Variants in PACRG observed in about 807,000 individuals in gnomAD.
The protein encoded by PACRG is parkin coregulated.
A neutral mutation model predicts 29.7 loss-of-function variants in PACRG; 29 were observed. The observed-to-expected ratio is 0.98, with a 90% CI of 0.73 to 1.33. The LOEUF is 1.33. PACRG is among the 40% of genes most tolerant of loss of function. PACRG has a pLI of 0.00. For synonymous variants in PACRG, 116 were observed against 118.7 expected (o/e 0.98, Z 0.15); for missense variants, 279 against 316.2 (o/e 0.88, Z 0.89).
At chr6:163,231,535 T>A (rs956123356) in intron 4 of PACRG, among the ~76,000 whole-genome samples, 34 of 152,234 alleles carry the variant, frequency 2.2e-4, no homozygotes, top group African/African-American at 7.9e-4. Flanking sequence ...TCCATACAGA[T>A]GGATCAGCAA....
At chr6:163,101,863 T>C (rs561153382) in intron 4 of PACRG, among the ~76,000 whole-genome samples, 243 of 152,306 alleles carry the variant, frequency 1.6e-3, no homozygotes, top group Non-Finnish European at 2.7e-3. Context: ...AAAGTCTTTT[T>C]TCGGGGGGAA....
chr6:163,226,764 G>C, intron 4 of PACRG, among the ~76,000 whole-genome samples: 1 of 152,232 alleles, frequency 6.6e-6, no homozygotes, highest in East Asian at 1.9e-4. Context: ...TGTTCTCTAG[G>C]AGGGTTGGGG....
intron 1 of PACRG, among the ~76,000 whole-genome samples, chr6:162,767,010 T>C (rs1297666009): frequency 6.6e-6 from 1 of 152,166 alleles, no homozygotes; most frequent in South Asian, 2.1e-4. Context: ...TTTAAATATA[T>C]ACAGTTTTTA....
chr6:162,961,014 G>A (rs11967135), intron 2 of PACRG, among the ~76,000 whole-genome samples: 23,682 of 135,964 alleles, frequency 0.17, 3,239 homozygotes, highest in African/African-American at 0.39. Context: ...GCCATGAGAG[G>A]TAGAATAACT....
chr6:162,960,425 T>G (rs61606501), intron 2 of PACRG, among the ~76,000 whole-genome samples: 23,734 of 152,230 alleles, frequency 0.16, 3,250 homozygotes, highest in African/African-American at 0.36. Flanking sequence ...CTACACAGCC[T>G]TAAAAAGAAT....
rs1389892431 is a variant in PACRG at position 163,215,180 on chromosome 6, T to C, written c.614-99647T>C. Among the ~76,000 whole-genome samples the C allele has an allele frequency of 3.3e-5, 5 of 152,178 alleles. No individual in the cohort carries two copies. The East Asian group carries it at 9.6e-4, about 29-fold the overall frequency. On this transcript the variant is annotated intron_variant, in intron 4 of 4. Coordinates refer to ENST00000366888, the MANE Select transcript of PACRG (RefSeq NM_001080379.2). ...TAATTATGTAAAGATTTTTGTAATA[T>C]TCAAGATAATCATCTATTTTAGAAC...
chr6:162,882,345 C>T (rs972578905), intron 2 of PACRG, among the ~76,000 whole-genome samples: 4 of 150,654 alleles, frequency 2.7e-5, no homozygotes, highest in Admixed American at 6.6e-5. Flanking sequence ...ACCAGAGACC[C>T]GGAGGCACTG....
intron 1 of PACRG, among the ~76,000 whole-genome samples, chr6:162,769,457 G>A (rs905120369): frequency 1.3e-5 from 2 of 152,020 alleles, no homozygotes; most frequent in African/African-American, 2.4e-5. Context: ...AAGCTCATAC[G>A]TGTTGTAGCA....
intron 4 of PACRG, among the ~76,000 whole-genome samples, chr6:163,300,424 G>T (rs1321433496): frequency 6.6e-6 from 1 of 150,700 alleles, no homozygotes; most frequent in Non-Finnish European, 1.5e-5. Context: ...GGTGGCGGTA[G>T]ATGCGGGGAT....
chr6:162,941,067 T>TG (rs1491392036), intron 2 of PACRG, among the ~76,000 whole-genome samples: 4 of 151,518 alleles, frequency 2.6e-5, no homozygotes, highest in African/African-American at 9.7e-5. Flanking sequence ...TGTGTGTGTG[T>TG]TTGTGTGTGT....
chr6:162,821,774 T>C (rs1380459218), intron 2 of PACRG, among the ~76,000 whole-genome samples: 1 of 152,168 alleles, frequency 6.6e-6, no homozygotes, highest in East Asian at 1.9e-4. Context: ...CCAGTTGTAT[T>C]CCAATTAGTA....
At chr6:162,974,102 G>A (rs1801755942) in intron 2 of PACRG, among the ~76,000 whole-genome samples, 1 of 152,202 alleles carries the variant, frequency 6.6e-6, no homozygotes, top group African/African-American at 2.4e-5. Context: ...GGGCCCTGCT[G>A]ACTTGCCAGA....
chr6:162,928,119 C>T (rs984471584), intron 2 of PACRG, among the ~76,000 whole-genome samples: 14 of 151,840 alleles, frequency 9.2e-5, no homozygotes, highest in African/African-American at 2.9e-4. Flanking sequence ...TTTAAAAGTT[C>T]GGTAGAATTT....
intron 2 of PACRG, among the ~76,000 whole-genome samples, chr6:162,885,816 T>G (rs770444442): frequency 7.2e-5 from 11 of 152,140 alleles, no homozygotes; most frequent in Non-Finnish European, 1.5e-4. Flanking sequence ...TATTACTGTT[T>G]GCTGAATCAT....
In PACRG at chr6:162,790,777, T is replaced by C. The variant is rs1193685385; in HGVS notation, c.157-23370T>C. ...TAAAACGTCTCTAAGACTGGTCTTATCTAGATCTGCGTTGATCCCGCTATG... is the reference window on the plus strand; with the variant it reads ...TAAAACGTCTCTAAGACTGGTCTTACCTAGATCTGCGTTGATCCCGCTATG... On this transcript the variant is annotated intron_variant, in intron 1 of 4. Transcript: ENST00000366888. Among the ~76,000 whole-genome samples, 3 of 152,160 alleles carry C rather than the reference T, an allele frequency of 2.0e-5. No individual in the cohort carries two copies. In the East Asian group the frequency reaches 5.8e-4, roughly 29 times the overall value.
rs78350736 is a variant in PACRG, at chr6:162,860,476, C to T, written c.291+46195C>T. On this transcript the variant is annotated intron_variant, in intron 2 of 4. Transcript: ENST00000366888. ...GCCTAAGAGCAATGTAAACTTGAGT[C>T]CCACTCGCCATGTTGAATTATTCTT... 4.6e-5 allele frequency among the ~76,000 whole-genome samples: 7 copies of T among 152,282 alleles called. 1 individual carries two copies. In the East Asian group the frequency reaches 1.4e-3, roughly 29 times the overall value.
chr6:163,251,603 G>A (rs182287326), intron 4 of PACRG, among the ~76,000 whole-genome samples: 15 of 152,248 alleles, frequency 9.9e-5, no homozygotes, highest in African/African-American at 3.6e-4. Context: ...AGCTCATGAG[G>A]TCAACAGTAT....
Position 163,096,481 on chromosome 6 carries a change from G to A in PACRG, c.613+7073G>A, listed in dbSNP as rs75535859. On this transcript the variant is annotated intron_variant, in intron 4 of 4. Coordinates refer to ENST00000366888, the MANE Select transcript of PACRG (RefSeq NM_001080379.2). The stretch of plus-strand genomic sequence containing the variant: ...AAATGGGACAAAGCATGCAGCTGCC[G>A]AGCACAGCACTGAGGCGCAAAGGCT... 3.5e-3 allele frequency among the ~76,000 whole-genome samples: 538 copies of A among 152,260 alleles called. 12 individuals are homozygous for A. The East Asian group carries it at 0.064, about 18-fold the overall frequency.
chr6:163,056,909 G>A (rs535467346), intron 2 of PACRG, among the ~76,000 whole-genome samples: 2 of 152,252 alleles, frequency 1.3e-5, no homozygotes, highest in Admixed American at 6.5e-5. Flanking sequence ...TCAAACTTTA[G>A]CAGCAGTGCT....
Sources: allele counts gnomAD v4.1 joint callset (sites outside exome capture counted in the v4.1 genomes callset), GRCh38; gene constraint gnomAD v4.1.1; transcripts MANE v1.5; gene names NCBI Gene and HGNC (gene_info 2026-07-23, HGNC 2026-07-21).